USH2A: variants seen among roughly 807,000 people sequenced by gnomAD.
USH2A encodes usherin.
USH2A carries 443 observed loss-of-function variants against 538.9 expected under a neutral mutation model. That is an observed-to-expected ratio of 0.82 (90% confidence interval 0.76 to 0.89). The LOEUF is 0.89. USH2A is among the 40% of genes least tolerant of loss of function. The pLI is 0.00. For missense variants in USH2A, 6,633 were observed against 6,324.8 expected, an observed-to-expected ratio of 1.05 and a Z score of -1.65; for synonymous variants, 2,413 against 2,273.5, an observed-to-expected ratio of 1.06 and a Z score of -1.75.
intron 9 of USH2A, among the ~76,000 whole-genome samples, chr1:216,297,690 T>C (rs1477101934): frequency 6.6e-6 from 1 of 152,138 alleles, no homozygotes; most frequent in Non-Finnish European, 1.5e-5. Flanking sequence ...AATGCACTGG[T>C]CTACGATCTG....
chr1:215,784,044 T>C (rs1397089978), intron 52 of USH2A, among the ~76,000 whole-genome samples: 4 of 152,192 alleles, frequency 2.6e-5, no homozygotes, highest in African/African-American at 7.2e-5. Flanking sequence ...AAGCATTATC[T>C]TCCTTTTCCA....
intron 60 of USH2A, among the ~76,000 whole-genome samples, chr1:215,731,772 T>C (rs1206769036): frequency 6.6e-6 from 1 of 152,120 alleles, no homozygotes; most frequent in Non-Finnish European, 1.5e-5. Flanking sequence ...TAGAACCCAA[T>C]GCACCATAAC....
chr1:215,984,621 T>C (rs1211033440), intron 35 of USH2A, among the ~76,000 whole-genome samples: 1 of 152,240 alleles, frequency 6.6e-6, no homozygotes, highest in Non-Finnish European at 1.5e-5. Context: ...CAATAGGTTG[T>C]CATATATAAC....
chr1:216,050,704 G>A (rs2030749253), intron 30 of USH2A, among the ~76,000 whole-genome samples: 5 of 149,170 alleles, frequency 3.4e-5, no homozygotes. Flanking sequence ...TCCCGGGTTG[G>A]AGCCATTCTC....
chr1:216,259,953 C>G (rs142186053), intron 11 of USH2A, among the ~76,000 whole-genome samples: 93 of 152,044 alleles, frequency 6.1e-4, no homozygotes, highest in African/African-American at 2.0e-3. Context: ...TGGCAACGTT[C>G]TTGACTAATC....
At chr1:216,020,190 A>T (rs568609376) in intron 32 of USH2A, among the ~76,000 whole-genome samples, 1 of 152,318 alleles carries the variant, frequency 6.6e-6, no homozygotes, top group East Asian at 1.9e-4. Flanking sequence ...TTTTAAATAA[A>T]ATAATACATC....
chr1:216,360,675 A>C (rs996053531), intron 4 of USH2A, among the ~76,000 whole-genome samples: 5 of 149,142 alleles, frequency 3.4e-5, no homozygotes, highest in African/African-American at 1.0e-4. Flanking sequence ...CTTTCCACTC[A>C]ATTTTTCTGT....
chr1:216,382,406 CA>C (rs2038936569), intron 3 of USH2A, among the ~76,000 whole-genome samples: 1 of 152,106 alleles, frequency 6.6e-6, no homozygotes, highest in African/African-American at 2.4e-5. Flanking sequence ...AAGATGGATA[CA>C]ATTAAAGACT....
At chr1:215,695,445 TC>T (rs1658773740) in intron 61 of USH2A, among the ~76,000 whole-genome samples, 1 of 152,126 alleles carries the variant, frequency 6.6e-6, no homozygotes, top group Non-Finnish European at 1.5e-5. Context: ...ATTATAGAGT[TC>T]AGCAATTTTA....
intron 16 of USH2A, among the ~76,000 whole-genome samples, chr1:216,205,899 T>C (rs188749832): frequency 8.0e-4 from 122 of 152,304 alleles, no homozygotes; most frequent in African/African-American, 2.7e-3. Flanking sequence ...TGAGTAAATG[T>C]TTTTTAAAGT....
intron 32 of USH2A, among the ~76,000 whole-genome samples, chr1:216,007,727 G>C (rs552004287): frequency 6.6e-6 from 1 of 152,220 alleles, no homozygotes; most frequent in Non-Finnish European, 1.5e-5. Context: ...TTATCCCTTT[G>C]CACAGAGAAA....
chr1:215,804,838 T>C (rs1662447536), intron 49 of USH2A, among the ~76,000 whole-genome samples: 1 of 152,170 alleles, frequency 6.6e-6, no homozygotes, highest in Non-Finnish European at 1.5e-5. Context: ...TGCACACGTA[T>C]GTTTATTGCG....
chr1:216,021,177 CA>C (rs1558215967), intron 32 of USH2A, among the ~76,000 whole-genome samples: 1 of 152,082 alleles, frequency 6.6e-6, no homozygotes, highest in Non-Finnish European at 1.5e-5. Context: ...TCATGAGGAA[CA>C]AAAACCTCTC....
chr1:216,180,328 G>C (rs141486645), intron 20 of USH2A, among the ~76,000 whole-genome samples: 3 of 152,046 alleles, frequency 2.0e-5, no homozygotes, highest in East Asian at 3.9e-4. Context: ...TTGAATAAAA[G>C]TACAAAATTC....
intron 20 of USH2A, among the ~76,000 whole-genome samples, chr1:216,188,302 C>T (rs2034648108): frequency 6.6e-6 from 1 of 151,824 alleles, no homozygotes; most frequent in Non-Finnish European, 1.5e-5. Context: ...CTCTTCTATT[C>T]CCATCTCCAT....
chr1:215,675,173 A>T lies in USH2A; in HGVS notation c.12738T>A (p.Ala4246=), dbSNP rs913081394. The stretch of plus-strand genomic sequence containing the variant: ...CATTCCAAGAGCTACAGGTATGCCC[A>T]GCTGAATTCCAAGTGTAGATTTTAT... ...CEYKIYTWNS[A]GHTCSSWNVV... The change falls in exon 63 of 72, where the codon GCT becomes GCA. Residue 4246 remains alanine (A), a synonymous_variant. Transcript: ENST00000307340. The T allele has an allele frequency of 3.7e-6, 6 of 1,614,140 alleles. No individual in the cohort carries two copies. Among genetic ancestry groups the T allele is most frequent in the Middle Eastern group, 3.3e-4 (2 of 6,062 alleles).
Position 215,766,671 on chromosome 1 carries a change from G to A in USH2A, c.11047+10C>T, listed in dbSNP as rs778693513. Reference sequence around the variant, plus strand: ...TTTCTTCCCTCAAACCATGGATATTGTTTCATTACCTTCAGGAGCTGCCTG... The same window carrying A: ...TTTCTTCCCTCAAACCATGGATATTATTTCATTACCTTCAGGAGCTGCCTG... On this transcript the variant is annotated intron_variant, in intron 56 of 71. Coordinates refer to ENST00000307340, the MANE Select transcript of USH2A (RefSeq NM_206933.4). 4 of 1,610,936 alleles carry A rather than the reference G, an allele frequency of 2.5e-6. No individual in the cohort carries two copies. Among genetic ancestry groups the A allele is most frequent in the Middle Eastern group, 1.6e-4 (1 of 6,074 alleles).
intron 60 of USH2A, among the ~76,000 whole-genome samples, chr1:215,732,352 C>T (rs1031528309): frequency 1.3e-5 from 2 of 151,990 alleles, no homozygotes; most frequent in African/African-American, 2.4e-5. Context: ...CTATGCTTAT[C>T]CTTAATCTGC....
intron 37 of USH2A, among the ~76,000 whole-genome samples, chr1:215,958,333 G>C (rs1176845528): frequency 1.3e-5 from 2 of 152,006 alleles, no homozygotes; most frequent in Non-Finnish European, 2.9e-5. Flanking sequence ...ACTCTTTCTG[G>C]TAACTGGCAA....
Sources: gnomAD v4.1 joint callset for allele counts (sites outside exome capture counted in the v4.1 genomes callset) on GRCh38, gnomAD v4.1.1 for gene constraint, MANE v1.5 for transcripts, NCBI Gene and HGNC (gene_info 2026-07-23, HGNC 2026-07-21) for gene names.